Variants in ADAMTSL1 observed in about 807,000 individuals in gnomAD.
ADAMTSL1 encodes the protein ADAMTS like 1, also known as ADAMTS-like protein 1.
A neutral mutation model predicts 201.8 loss-of-function variants in ADAMTSL1; 126 were observed. That is an observed-to-expected ratio of 0.62 (90% CI 0.54 to 0.72). The LOEUF (loss-of-function observed/expected upper bound fraction) is 0.72, where lower values mean the gene tolerates loss of function less well. ADAMTSL1 is among the 30% of genes least tolerant of loss of function. The pLI is 0.00. For synonymous variants in ADAMTSL1, 1,121 were observed against 903.4 expected, an observed-to-expected ratio of 1.24 and a Z score of -4.32; for missense variants, 2,679 against 2,277.8, an observed-to-expected ratio of 1.18 and a Z score of -3.59.
intron 23 of ADAMTSL1, among the ~76,000 whole-genome samples, chr9:18,858,604 G>A (rs768287495): frequency 8.5e-5 from 13 of 152,354 alleles, no homozygotes; most frequent in African/African-American, 1.4e-4. Context: ...AGAACAAGAG[G>A]AGTAGGTGCT....
chr9:17,949,881 A>C (rs1827661630), intron 1 of ADAMTSL1, among the ~76,000 whole-genome samples: 1 of 152,134 alleles, frequency 6.6e-6, no homozygotes, highest in Non-Finnish European at 1.5e-5. Context: ...AAAAGACGGA[A>C]AAGCAGGCTC....
chr9:18,107,193 G>A (rs1824797007), intron 1 of ADAMTSL1, among the ~76,000 whole-genome samples: 1 of 152,180 alleles, frequency 6.6e-6, no homozygotes, highest in Non-Finnish European at 1.5e-5. Context: ...AGTTACTCTT[G>A]TGATTTGGAG....
At chr9:18,276,128 A>G (rs1445194310) in intron 2 of ADAMTSL1, among the ~76,000 whole-genome samples, 2 of 150,912 alleles carry the variant, frequency 1.3e-5, no homozygotes, top group African/African-American at 2.4e-5. Flanking sequence ...CTTATTTGCC[A>G]TTTGTATATT....
intron 2 of ADAMTSL1, among the ~76,000 whole-genome samples, chr9:18,288,133 G>A (rs1833095669): frequency 6.6e-6 from 1 of 152,080 alleles, no homozygotes; most frequent in South Asian, 2.1e-4. Flanking sequence ...GAAATTCTAG[G>A]TGAAATAGGA....
chr9:18,551,535 A>C (rs1309481631), intron 3 of ADAMTSL1, among the ~76,000 whole-genome samples: 1 of 135,442 alleles, frequency 7.4e-6, no homozygotes, highest in African/African-American at 2.8e-5. Flanking sequence ...AAGATTTTTC[A>C]TTACCGCTGA....
chr9:18,573,945 C>A, intron 3 of ADAMTSL1, 85 bp from the exon 4 acceptor site: 1 of 1,069,168 alleles, frequency 9.4e-7, no homozygotes, highest in Non-Finnish European at 1.4e-6. Flanking sequence ...TTTCTAAGAC[C>A]TAAGCAGACC....
At position 18,077,141 on chromosome 9, in the gene ADAMTSL1, T is replaced by C. The variant is rs1414068353; in HGVS notation, c.88-86721T>C. Among the ~76,000 whole-genome samples, 4 of 152,322 alleles carry C rather than the reference T, an allele frequency of 2.6e-5. No individual in the cohort carries two copies. The East Asian group carries it at 7.7e-4, about 29-fold the overall frequency. The stretch of plus-strand genomic sequence containing the variant: ...TATTTTGGACCAGTGGAATTTCTCA[T>C]GCCTGTGAAATATCCAAATGTAGGT... On this transcript the variant is annotated intron_variant, in intron 1 of 29. Coordinates refer to the ADAMTSL1 transcript ENST00000680146.
intron 2 of ADAMTSL1, among the ~76,000 whole-genome samples, chr9:18,459,366 C>G (rs1045888543): frequency 6.6e-6 from 1 of 152,158 alleles, no homozygotes; most frequent in African/African-American, 2.4e-5. Flanking sequence ...TGATGTACCA[C>G]TCTCGATCCT....
At chr9:18,350,648 GGCGT>G (rs1376033518) in intron 2 of ADAMTSL1, among the ~76,000 whole-genome samples, 1 of 152,062 alleles carries the variant, frequency 6.6e-6, no homozygotes, top group Non-Finnish European at 1.5e-5. Context: ...AGTTTCTTTT[GGCGT>G]TAATTATTTC....
chr9:18,892,558 C>T lies in ADAMTSL1; in HGVS notation c.4813C>T (p.Gln1605Ter), dbSNP rs1269288177. The change falls in exon 26 of 29, where the codon CAG becomes TAG. Residue 1605 changes from glutamine (Q) to a stop codon, truncating the protein, a stop_gained. Coordinates refer to ENST00000380548, the MANE Select transcript of ADAMTSL1 (RefSeq NM_001040272.6). LOFTEE classifies it high-confidence loss of function. Reference sequence around the variant, plus strand: ...TGTGGACACCCAGGCCTGTAACCAGCAGCTGTGTGTGGAGTGGGCCTTCTC... The same window carrying T: ...TGTGGACACCCAGGCCTGTAACCAGTAGCTGTGTGTGGAGTGGGCCTTCTC... Reference protein sequence around the residue: ...RPVDTQACNQQLCVEWAFSSW... With the variant: ...RPVDTQACNQ The T allele has an allele frequency of 6.3e-7, 1 of 1,575,674 alleles. No individual in the cohort carries two copies. Among genetic ancestry groups the T allele is most frequent in the East Asian group, 2.3e-5 (1 of 42,800 alleles).
At chr9:18,884,681 C>A (rs957039309) in intron 23 of ADAMTSL1, among the ~76,000 whole-genome samples, 7 of 152,166 alleles carry the variant, frequency 4.6e-5, no homozygotes, top group African/African-American at 1.7e-4. Flanking sequence ...ATGGTCTTAG[C>A]AACCTTGTCA....
chr9:18,631,744 A>G (rs74826808), intron 5 of ADAMTSL1, among the ~76,000 whole-genome samples: 1 of 152,224 alleles, frequency 6.6e-6, no homozygotes, highest in Admixed American at 6.5e-5. Flanking sequence ...ATACATATAG[A>G]TAGATATTTT....
chr9:18,004,640 T>C (rs1819743532), intron 1 of ADAMTSL1, among the ~76,000 whole-genome samples: 1 of 152,076 alleles, frequency 6.6e-6, no homozygotes, highest in Non-Finnish European at 1.5e-5. Flanking sequence ...GATTCTTACA[T>C]ATCCCCTCTA....
chr9:18,134,039 G>T (rs959154778), intron 1 of ADAMTSL1, among the ~76,000 whole-genome samples: 1 of 152,010 alleles, frequency 6.6e-6, no homozygotes, highest in East Asian at 1.9e-4. Context: ...AATGAAAATG[G>T]GACACATAAT....
intron 2 of ADAMTSL1, among the ~76,000 whole-genome samples, chr9:18,182,717 A>G (rs183781301): frequency 2.0e-5 from 3 of 152,334 alleles, no homozygotes; most frequent in Non-Finnish European, 1.5e-5. Flanking sequence ...GACATTTCAG[A>G]TCATATCAGA....
chr9:18,159,197 A>G (rs1016762116), intron 1 of ADAMTSL1, among the ~76,000 whole-genome samples: 3 of 152,046 alleles, frequency 2.0e-5, no homozygotes, highest in Admixed American at 6.6e-5. Context: ...TCAGTAAACT[A>G]TGAATCAAAA....
At chr9:18,746,277 T>G (rs952295526) in intron 15 of ADAMTSL1, among the ~76,000 whole-genome samples, 2 of 152,202 alleles carry the variant, frequency 1.3e-5, no homozygotes, top group African/African-American at 4.8e-5. Flanking sequence ...GAAAGGGAGA[T>G]GCATCCTGAA....
intron 14 of ADAMTSL1, 125 bp from the exon 15 acceptor site, chr9:18,721,411 T>C: frequency 7.4e-7 from 1 of 1,355,144 alleles, no homozygotes; most frequent in Non-Finnish European, 1.0e-6. Flanking sequence ...AACTGCCATC[T>C]CTGACATACA....
At chr9:18,056,795 C>T (rs1057475081) in intron 1 of ADAMTSL1, among the ~76,000 whole-genome samples, 1 of 152,128 alleles carries the variant, frequency 6.6e-6, no homozygotes, top group African/African-American at 2.4e-5. Flanking sequence ...CAAAGAGGAA[C>T]CCACTCTGGG....
Sources: allele counts gnomAD v4.1 joint callset (sites outside exome capture counted in the v4.1 genomes callset), GRCh38; gene constraint gnomAD v4.1.1; transcripts MANE v1.5; gene names NCBI Gene and HGNC (gene_info 2026-07-23, HGNC 2026-07-21).